Variants in SULT1B1 observed in about 807,000 individuals in gnomAD.
SULT1B1 encodes sulfotransferase 1B1.
Under a neutral mutation model 34.6 loss-of-function variants are expected in SULT1B1, and 28 were observed. That is an observed-to-expected ratio of 0.81 (90% CI 0.60 to 1.11). The LOEUF is 1.11. SULT1B1 is among the 50% of genes least tolerant of loss of function. The pLI, the probability that SULT1B1 is intolerant of heterozygous loss-of-function variation, is 0.00. For missense variants in SULT1B1, 374 were observed against 352.2 expected, an observed-to-expected ratio of 1.06 and a Z score of -0.50; for synonymous variants, 147 against 110.2, an observed-to-expected ratio of 1.33 and a Z score of -2.09.
At position 69,721,243 on chromosome 4, in the gene SULT1B1, C is replaced by T. The variant is rs1353606799; in HGVS notation, c.*5845G>A. 6.6e-6 allele frequency: 1 copy of T among 151,930 alleles called. No homozygotes were observed. Among genetic ancestry groups the T allele is most frequent in the African/African-American group, 2.4e-5 (1 of 41,368 alleles). 9.4% of individuals were successfully genotyped at this position (151,930 alleles called of 1,614,324 possible). The stretch of plus-strand genomic sequence containing the variant: ...TACTTCACTGCTGAAAGTAATGTCT[C>T]GATAATGTGGAAATTTTACATATAT... On this transcript the variant is annotated 3_prime_UTR_variant, in exon 8 of 8. Transcript: ENST00000310613.
intron 4 of SULT1B1, among the ~76,000 whole-genome samples, chr4:69,736,933 A>T (rs950821416): frequency 8.5e-5 from 13 of 152,098 alleles, no homozygotes; most frequent in African/African-American, 3.1e-4. Context: ...GAACTGAAAC[A>T]GTATTTGGAG....
At chr4:69,752,780 C>A (rs1272317272) in intron 3 of SULT1B1, among the ~76,000 whole-genome samples, 6 of 152,196 alleles carry the variant, frequency 3.9e-5, no homozygotes, top group Non-Finnish European at 2.9e-5. Flanking sequence ...TTGGATATTT[C>A]TCTTCACATT....
intron 3 of SULT1B1, among the ~76,000 whole-genome samples, chr4:69,752,334 T>C (rs1460805284): frequency 1.3e-5 from 2 of 152,176 alleles, no homozygotes. Flanking sequence ...TTTGGAACAT[T>C]TAAAATGGCT....
chr4:69,757,260 C>T (rs1381796976), intron 1 of SULT1B1, among the ~76,000 whole-genome samples: 1 of 151,998 alleles, frequency 6.6e-6, no homozygotes, highest in Admixed American at 6.6e-5. Context: ...AACATGTTTA[C>T]TATTGTATAG....
At position 69,747,446 on chromosome 4, in the gene SULT1B1, T is replaced by C. The variant is rs192718526; in HGVS notation, c.375+2275A>G. ...GCTGAGGCTGTGCACTAAGCCAGTGTGGCTATGCAGGGGCCCTAGTAGAAG... is the reference window on the plus strand; with the variant it reads ...GCTGAGGCTGTGCACTAAGCCAGTGCGGCTATGCAGGGGCCCTAGTAGAAG... On this transcript the variant is annotated intron_variant, in intron 4 of 7. Coordinates refer to ENST00000310613, the MANE Select transcript of SULT1B1 (RefSeq NM_014465.4). 1.1e-3 allele frequency among the ~76,000 whole-genome samples: 174 copies of C among 152,312 alleles called. 1 individual carries two copies. Among genetic ancestry groups the C allele is most frequent in the African/African-American group, 3.9e-3 (162 of 41,570 alleles).
intron 1 of SULT1B1, among the ~76,000 whole-genome samples, chr4:69,759,080 A>G (rs1230776165): frequency 6.6e-6 from 1 of 152,212 alleles, no homozygotes; most frequent in Non-Finnish European, 1.5e-5. Context: ...AAATGATTTA[A>G]TCAAAATGAA....
intron 1 of SULT1B1, chr4:69,758,335 C>A (rs1719269198): frequency 1.0e-6 from 1 of 985,226 alleles, no homozygotes; most frequent in African/African-American, 1.7e-5. Flanking sequence ...AGAATAGTGC[C>A]CCTTCTCAGT....
chr4:69,724,283 A>G lies in SULT1B1; in HGVS notation c.*2805T>C, dbSNP rs937166253. 1.3e-5 allele frequency: 2 copies of G among 152,254 alleles called. No individual in the cohort carries two copies. Among genetic ancestry groups the G allele is most frequent in the African/African-American group, 2.4e-5 (1 of 41,466 alleles). The allele number at this position is 152,254 out of a possible 1,614,324, so 9.4% of individuals were successfully genotyped here. ...ACTCCCATTCACAATTGCTTCAAAG[A>G]GAATAAAATACCTAGGAATCCAACT... On this transcript the variant is annotated 3_prime_UTR_variant, in exon 8 of 8. Coordinates refer to ENST00000310613, the MANE Select transcript of SULT1B1 (RefSeq NM_014465.4).
Position 69,754,956 on chromosome 4 carries a change from C to T in SULT1B1, c.148+114G>A. 5 of 1,239,008 alleles carry T rather than the reference C, an allele frequency of 4.0e-6. No homozygotes were observed. The South Asian group carries it at 7.1e-5, about 18-fold the overall frequency. 76.8% of individuals were successfully genotyped at this position (1,239,008 alleles called of 1,614,324 possible). ...AATTTTAATATACTAAAATAGATGG[C>T]TGCACAAAATGAATATTAACTTTAT... On this transcript the variant is annotated intron_variant, in intron 2 of 7. Coordinates refer to ENST00000310613, the MANE Select transcript of SULT1B1 (RefSeq NM_014465.4).
rs1717807233 is a variant in SULT1B1 at position 69,725,688 on chromosome 4, G to A, written c.*1400C>T. The A allele has an allele frequency of 1.3e-5, 2 of 152,050 alleles. No individual in the cohort carries two copies. Among genetic ancestry groups the A allele is most frequent in the Admixed American group, 1.3e-4 (2 of 15,256 alleles). The allele number at this position is 152,050 out of a possible 1,614,324, so 9.4% of individuals were successfully genotyped here. The stretch of plus-strand genomic sequence containing the variant: ...CATATACACCATAGAATACTGTGCA[G>A]CCATAAAAAATGATGAGTTCATGTC... On this transcript the variant is annotated 3_prime_UTR_variant, in exon 8 of 8. Coordinates refer to ENST00000310613, the MANE Select transcript of SULT1B1 (RefSeq NM_014465.4).
chr4:69,741,884 G>C (rs1272709396), intron 4 of SULT1B1, among the ~76,000 whole-genome samples: 1 of 152,028 alleles, frequency 6.6e-6, no homozygotes, highest in Non-Finnish European at 1.5e-5. Context: ...TCTTTCTTTT[G>C]TCTGATTGCT....
chr4:69,753,338 C>T (rs1469733528), intron 3 of SULT1B1, among the ~76,000 whole-genome samples: 3 of 152,186 alleles, frequency 2.0e-5, no homozygotes, highest in African/African-American at 7.2e-5. Context: ...TATGTCTTAT[C>T]TAGCATCCTC....
chr4:69,739,751 G>T (rs1198156919), intron 4 of SULT1B1, among the ~76,000 whole-genome samples: 1 of 152,134 alleles, frequency 6.6e-6, no homozygotes, highest in African/African-American at 2.4e-5. Context: ...CTTTTCTACT[G>T]CATCATCAGG....
Position 69,722,481 on chromosome 4 carries a change from G to C in SULT1B1, c.*4607C>G, listed in dbSNP as rs1408114256. The C allele has an allele frequency of 6.6e-6, 1 of 152,024 alleles. No homozygotes were observed. The highest frequency in any genetic ancestry group is 2.4e-5 in the African/African-American group (1 of 41,408). 9.4% of individuals were successfully genotyped at this position (152,024 alleles called of 1,614,324 possible). On this transcript the variant is annotated 3_prime_UTR_variant, in exon 8 of 8. Transcript: ENST00000310613. ...GATTTAGTTTACTTCTCGTGGACAAGGGTATTGGAGAAAGCTGGAACTAGT... is the reference window on the plus strand; with the variant it reads ...GATTTAGTTTACTTCTCGTGGACAACGGTATTGGAGAAAGCTGGAACTAGT...
At chr4:69,751,256 T>C (rs1005139691) in intron 3 of SULT1B1, among the ~76,000 whole-genome samples, 1 of 152,188 alleles carries the variant, frequency 6.6e-6, no homozygotes, top group Non-Finnish European at 1.5e-5. Context: ...TGAACTTATG[T>C]CTGTTTCTTT....
intron 3 of SULT1B1, 85 bp from the exon 4 acceptor site, chr4:69,749,903 C>T (rs4149413): frequency 0.08 from 73,653 of 924,146 alleles, 5,024 homozygotes; most frequent in East Asian, 0.37. Flanking sequence ...TTTTTCAAGA[C>T]ATTTTTGAGC....
intron 1 of SULT1B1, among the ~76,000 whole-genome samples, chr4:69,756,756 C>T (rs1193135847): frequency 6.6e-6 from 1 of 152,072 alleles, no homozygotes; most frequent in African/African-American, 2.4e-5. Flanking sequence ...TGCCTGCATA[C>T]CTGCCTCTAA....
intron 4 of SULT1B1, among the ~76,000 whole-genome samples, chr4:69,743,621 T>A (rs1274077514): frequency 6.6e-6 from 1 of 152,140 alleles, no homozygotes; most frequent in Non-Finnish European, 1.5e-5. Context: ...CTGCCAAGGG[T>A]TGCCTGCAGG....
chr4:69,756,974 C>G (rs543041605), intron 1 of SULT1B1, among the ~76,000 whole-genome samples: 1,876 of 149,086 alleles, frequency 0.013, 36 homozygotes, highest in African/African-American at 0.045. Flanking sequence ...CACACACACA[C>G]ACACAGACAC....
Sources: allele counts gnomAD v4.1 joint callset (sites outside exome capture counted in the v4.1 genomes callset), GRCh38; gene constraint gnomAD v4.1.1; transcripts MANE v1.5; gene names NCBI Gene and HGNC (gene_info 2026-07-23, HGNC 2026-07-21).